The following SLC41A2 variants were observed in gnomAD, a reference collection of about 807,000 sequenced individuals.
SLC41A2 encodes solute carrier family 41 member 2.
A neutral mutation model predicts 58.3 loss-of-function variants in SLC41A2; 32 were observed. The ratio of observed to expected loss-of-function variants is 0.55; its 90% confidence interval spans 0.41 to 0.74. SLC41A2 has a LOEUF of 0.74. Among genes scored for constraint, SLC41A2 ranks in the 30% least tolerant of loss-of-function variants. SLC41A2 has a pLI of 0.00. For missense variants in SLC41A2, 514 were observed against 680.6 expected, an observed-to-expected ratio of 0.76 and a Z score of 2.72; for synonymous variants, 190 against 235.0, an observed-to-expected ratio of 0.81 and a Z score of 1.75.
At chr12:104,874,969 T>G (rs1289371596) in intron 6 of SLC41A2, among the ~76,000 whole-genome samples, 1 of 152,226 alleles carries the variant, frequency 6.6e-6, no homozygotes, top group Non-Finnish European at 1.5e-5. Flanking sequence ...TCCATAAACA[T>G]GGAATACCTT....
rs368373020 is a variant in SLC41A2 at position 104,815,377 on chromosome 12, T to G, written c.1537-10040A>C. 2.0e-4 allele frequency among the ~76,000 whole-genome samples: 31 copies of G among 152,336 alleles called. No homozygotes were observed. In the South Asian group the frequency reaches 6.4e-3, roughly 32 times the overall value. On this transcript the variant is annotated intron_variant, in intron 10 of 10. Transcript: ENST00000258538. ...CATAACCTCTCTAGGTAAATATGCC[T>G]TTTGAAAAGGCAACTTTGTAACCTC...
Position 104,844,481 on chromosome 12 carries a change from A to G in SLC41A2, c.1527T>C (p.Ala509=). 1 of 1,487,500 alleles carries G rather than the reference A, an allele frequency of 6.7e-7. No homozygotes were observed. Among genetic ancestry groups the G allele is most frequent in the South Asian group, 1.5e-5 (1 of 65,822 alleles). The allele number at this position is 1,487,500 out of a possible 1,614,324, so 92.1% of individuals were successfully genotyped here. The change falls in exon 10 of 11, where the codon GCT becomes GCC. Residue 509 remains alanine, a synonymous_variant. Transcript: ENST00000258538. ...AAGTTTTAACTCTTACCTGTAACAC[A>G]GCGCCAAATAAATACACTACTATGA... The part of the protein sequence containing the change: ...IIFIVVYLFG[A]VLQVFTLLWI...
chr12:104,911,777 T>C (rs964692453), intron 2 of SLC41A2, among the ~76,000 whole-genome samples: 1 of 151,390 alleles, frequency 6.6e-6, no homozygotes, highest in African/African-American at 2.4e-5. Context: ...ATCCCTCTAA[T>C]TGGGTTCAAG....
rs1195863084 is a variant in SLC41A2, at chr12:104,928,749, A to T, written c.-167-55T>A. Reference sequence around the variant, plus strand: ...AGAGAAACAAGATAGTTTCAGTATCAAGATAGATACTTCAATTCTTATAAA... The same window carrying T: ...AGAGAAACAAGATAGTTTCAGTATCTAGATAGATACTTCAATTCTTATAAA... On this transcript the variant is annotated intron_variant, in intron 1 of 10. Transcript: ENST00000258538. 1.3e-5 allele frequency: 5 copies of T among 385,710 alleles called. No homozygotes were observed. The Admixed American group carries it at 2.0e-4, about 16-fold the overall frequency. 23.9% of individuals were successfully genotyped at this position (385,710 alleles called of 1,614,324 possible).
At position 104,803,399 on chromosome 12, in the gene SLC41A2, A is replaced by T. The variant is rs2040766145; in HGVS notation, c.*1753T>A. ...TTCAGTTCTCTGCCTTAAAAGTTTT[A>T]TTATAAGGCAGAAGAATGGAATAAT... On this transcript the variant is annotated 3_prime_UTR_variant, in exon 11 of 11. Transcript: ENST00000258538. The T allele has an allele frequency of 6.6e-6, 1 of 152,150 alleles. No homozygotes were observed. The highest frequency in any genetic ancestry group is 2.4e-5 in the African/African-American group (1 of 41,456). The allele number at this position is 152,150 out of a possible 1,614,324, so 9.4% of individuals were successfully genotyped here.
In SLC41A2 at chr12:104,844,527, T is replaced by C; in HGVS notation, c.1481A>G (p.His494Arg). ...LYTIHLMKSG[H>R]TSLTIIFIVV... ...TATGAAGATTATAGTTAAAGAAGTA[T>C]GACCACTTTTCATCAAATGAATAGT... The change falls in exon 10 of 11, where the codon CAT becomes CGT. Residue 494 changes from histidine (H) to arginine (R), a missense_variant. By Grantham distance (29) the His-to-Arg change is conservative. Coordinates refer to ENST00000258538, the MANE Select transcript of SLC41A2 (RefSeq NM_001352171.3). 6.4e-7 allele frequency: 1 copy of C among 1,571,138 alleles called. No individual in the cohort carries two copies. Among genetic ancestry groups the C allele is most frequent in the Non-Finnish European group, 8.6e-7 (1 of 1,160,092 alleles).
In SLC41A2 at chr12:104,928,085, G is replaced by T; in HGVS notation, c.443C>A (p.Thr148Asn). Reference protein sequence around the residue: ...DGDEDAIVEVTPKLPKESSGI... With the variant: ...DGDEDAIVEVNPKLPKESSGI... ...ACTGGATTCCTTTGGTAATTTTGGG[G>T]TCACTTCTACAATAGCATCTTCATC... Residue 148 changes from threonine (T) to asparagine (N), a missense_variant, in exon 2 of 11, where the codon ACC becomes AAC. Thr to Asn is a moderately conservative substitution (Grantham distance 65). Coordinates refer to ENST00000258538, the MANE Select transcript of SLC41A2 (RefSeq NM_001352171.3). 6.2e-7 allele frequency: 1 copy of T among 1,614,134 alleles called. No individual in the cohort carries two copies. The highest frequency in any genetic ancestry group is 1.1e-5 in the South Asian group (1 of 91,078).
chr12:104,926,137 A>G (rs1210992807), intron 2 of SLC41A2, among the ~76,000 whole-genome samples: 1 of 152,258 alleles, frequency 6.6e-6, no homozygotes, highest in Admixed American at 6.5e-5. Context: ...GGAACAAACA[A>G]TGAAAGATAA....
At chr12:104,839,013 T>TA (rs1280079511) in intron 10 of SLC41A2, among the ~76,000 whole-genome samples, 1 of 152,222 alleles carries the variant, frequency 6.6e-6, no homozygotes, top group Admixed American at 6.5e-5. Context: ...AAAACAGACA[T>TA]AGCCAAAGGC....
At chr12:104,950,277 G>A (rs949775652) in intron 1 of SLC41A2, among the ~76,000 whole-genome samples, 5 of 152,224 alleles carry the variant, frequency 3.3e-5, no homozygotes, top group African/African-American at 1.2e-4. Flanking sequence ...GGTAGGAGGT[G>A]GTTGGATCAT....
chr12:104,900,976 T>A (rs2045530205), intron 3 of SLC41A2, among the ~76,000 whole-genome samples: 1 of 152,222 alleles, frequency 6.6e-6, no homozygotes, highest in Non-Finnish European at 1.5e-5. Flanking sequence ...GTTACTGATC[T>A]CCTGGCACAC....
intron 1 of SLC41A2, among the ~76,000 whole-genome samples, chr12:104,933,793 A>G (rs1022594781): frequency 1.2e-4 from 18 of 152,146 alleles, no homozygotes; most frequent in African/African-American, 3.9e-4. Flanking sequence ...GCTAGAGGCC[A>G]TTATTCTAAG....
intron 6 of SLC41A2, among the ~76,000 whole-genome samples, chr12:104,871,916 T>C (rs1312215864): frequency 6.6e-6 from 1 of 152,180 alleles, no homozygotes; most frequent in African/African-American, 2.4e-5. Context: ...AGCCACACAT[T>C]AAACATGTCA....
At chr12:104,822,839 C>G (rs1411742746) in intron 10 of SLC41A2, among the ~76,000 whole-genome samples, 3 of 151,910 alleles carry the variant, frequency 2.0e-5, no homozygotes, top group East Asian at 1.9e-4. Context: ...GCTCTGAACT[C>G]CTTTGACATA....
Position 104,928,098 on chromosome 12 carries a change from T to G in SLC41A2, c.430A>C (p.Ile144Leu). 1 of 1,614,216 alleles carries G rather than the reference T, an allele frequency of 6.2e-7. No homozygotes were observed. The highest frequency in any genetic ancestry group is 1.3e-5 in the African/African-American group (1 of 75,060). Residue 144 changes from isoleucine (I) to leucine (L), a missense_variant, in exon 2 of 11, where the codon ATT becomes CTT. By Grantham distance (5) the Ile-to-Leu change is conservative. Around this residue, in one of 3 missense-constraint regions of SLC41A2, gnomAD observed 336 missense variants for 430.0 expected, o/e 0.78. Transcript: ENST00000258538. ...GGTAATTTTGGGGTCACTTCTACAA[T>G]AGCATCTTCATCACCATCACTAGAT... ...DISSDGDEDA[I>L]VEVTPKLPKE... is the part of the protein sequence containing the mutation.
intron 6 of SLC41A2, among the ~76,000 whole-genome samples, chr12:104,882,961 A>T (rs199524236): frequency 0.053 from 8,062 of 152,210 alleles, 282 homozygotes; most frequent in East Asian, 0.1. Flanking sequence ...TATACCAATC[A>T]AATGTAGATT....
Position 104,861,345 on chromosome 12 carries a change from T to C in SLC41A2, c.1201A>G (p.Thr401Ala). 1 of 1,613,436 alleles carries C rather than the reference T, an allele frequency of 6.2e-7. No individual in the cohort carries two copies. Among genetic ancestry groups the C allele is most frequent in the Non-Finnish European group, 8.5e-7 (1 of 1,179,580 alleles). ...SSIGGLILDT[T>A]VSDPNLVGIV... ...CCAACCAAGTTTGGGTCTGATACAG[T>C]TGTGTCCAGAATAAGGCCCCCAATG... Residue 401 changes from threonine (T) to alanine (A), a missense_variant, in exon 8 of 11, where the codon ACT becomes GCT. Thr to Ala is a moderately conservative substitution (Grantham distance 58). Around this residue, in one of 3 missense-constraint regions of SLC41A2, gnomAD observed 50 missense variants for 104.5 expected, o/e 0.48. Transcript: ENST00000258538.
At chr12:104,853,926 T>TTTTTTTTTTATTTTTA (rs2042917858) in intron 8 of SLC41A2, among the ~76,000 whole-genome samples, 1 of 118,850 alleles carries the variant, frequency 8.4e-6, no homozygotes, top group African/African-American at 3.1e-5. Flanking sequence ...TTTTTTTTTT[T>TTTTTTTTTTATTTTTA]TTTTTTTTTT....
At chr12:104,955,309 C>T (rs982583233) in intron 1 of SLC41A2, among the ~76,000 whole-genome samples, 6 of 152,070 alleles carry the variant, frequency 3.9e-5, no homozygotes, top group Admixed American at 6.5e-5. Context: ...AACCACTGCA[C>T]CCAGCTGGCC....
Sources: allele counts gnomAD v4.1 joint callset (sites outside exome capture counted in the v4.1 genomes callset), GRCh38; gene constraint gnomAD v4.1.1; regional missense constraint gnomAD v4.1.1; transcripts MANE v1.5; gene names NCBI Gene and HGNC (gene_info 2026-07-23, HGNC 2026-07-21).